The following CSMD1 variants were observed in gnomAD, a reference collection of about 807,000 sequenced individuals.
CSMD1 encodes the protein CUB and Sushi multiple domains 1.
CSMD1 carries 213 observed loss-of-function variants against 417.5 expected under a neutral mutation model. The observed-to-expected ratio is 0.51, with a 90% CI of 0.46 to 0.57. The LOEUF (loss-of-function observed/expected upper bound fraction) is 0.57. Among genes scored for constraint, CSMD1 ranks in the 20% least tolerant of loss-of-function variants. The pLI, the probability that CSMD1 is intolerant of heterozygous loss-of-function variation, is 0.00. For synonymous variants in CSMD1, 2,862 were observed against 1,736.8 expected (o/e 1.65, Z -16.11); for missense variants, 6,923 against 4,529.7 (o/e 1.53, Z -15.17).
intron 5 of CSMD1, among the ~76,000 whole-genome samples, chr8:3,956,786 G>A (rs941289016): frequency 2.0e-5 from 3 of 152,044 alleles, no homozygotes; most frequent in Non-Finnish European, 4.4e-5. Context: ...TGGAAGAATC[G>A]ATTTAGGAGC....
At chr8:4,302,751 C>A (rs913792263) in intron 3 of CSMD1, among the ~76,000 whole-genome samples, 1 of 152,164 alleles carries the variant, frequency 6.6e-6, no homozygotes, top group Non-Finnish European at 1.5e-5. Context: ...TAGTTTTTTA[C>A]TGACCCCAAC....
intron 3 of CSMD1, among the ~76,000 whole-genome samples, chr8:4,081,318 C>A (rs908484382): frequency 1.3e-5 from 2 of 152,138 alleles, no homozygotes; most frequent in Non-Finnish European, 2.9e-5. Context: ...TCCCCTCCCA[C>A]GTTGAATAGG....
intron 3 of CSMD1, among the ~76,000 whole-genome samples, chr8:4,305,967 T>C (rs889863038): frequency 1.3e-5 from 2 of 152,208 alleles, no homozygotes; most frequent in Non-Finnish European, 2.9e-5. Context: ...TTCATACTGA[T>C]ACATAGTGTG....
At chr8:3,760,840 G>A (rs1006876456) in intron 5 of CSMD1, among the ~76,000 whole-genome samples, 1 of 152,150 alleles carries the variant, frequency 6.6e-6, no homozygotes, top group African/African-American at 2.4e-5. Flanking sequence ...TACTGCTATT[G>A]GGAGAGGCTT....
chr8:4,174,842 G>C (rs2680616), intron 3 of CSMD1, among the ~76,000 whole-genome samples: 114,921 of 116,798 alleles, frequency 0.98, 56,594 homozygotes, highest in Middle Eastern at 1. Context: ...TTACACCTTC[G>C]CCTCAAAATT....
At position 3,932,034 on chromosome 8, in the gene CSMD1, G is replaced by A. The variant is rs759250639; in HGVS notation, c.818+65869C>T. Among the ~76,000 whole-genome samples the A allele has an allele frequency of 1.0e-3, 150 of 150,314 alleles. 10 individuals carry two copies. Among genetic ancestry groups the A allele is most frequent in the Non-Finnish European group, 2.0e-3 (137 of 67,490 alleles). ...AGAAAACAATAATTTTGTGACTTCA[G>A]TTCTAATTTCATCAGAGAGTAGGAT... On this transcript the variant is annotated intron_variant, in intron 5 of 69. Transcript: ENST00000635120.
chr8:3,358,193 G>A (rs1808923316), intron 21 of CSMD1, among the ~76,000 whole-genome samples: 1 of 152,174 alleles, frequency 6.6e-6, no homozygotes, highest in South Asian at 2.1e-4. Context: ...TTCGTTAACT[G>A]GTGAAATTAG....
chr8:4,632,710 T>C (rs1267215442), intron 2 of CSMD1, among the ~76,000 whole-genome samples: 2 of 152,078 alleles, frequency 1.3e-5, no homozygotes, highest in African/African-American at 4.8e-5. Flanking sequence ...CCAATTGCAG[T>C]AGGTGGCCAG....
chr8:4,797,803 T>G (rs1376569319), intron 1 of CSMD1, among the ~76,000 whole-genome samples: 1 of 152,192 alleles, frequency 6.6e-6, no homozygotes, highest in African/African-American at 2.4e-5. Context: ...TTAAAAATAC[T>G]TGTGCTCATG....
intron 6 of CSMD1, among the ~76,000 whole-genome samples, chr8:3,729,401 T>A (rs998726928): frequency 6.6e-6 from 1 of 152,160 alleles, no homozygotes; most frequent in African/African-American, 2.4e-5. Flanking sequence ...AGTCAGTTCT[T>A]AGGCACAACT....
chr8:4,041,368 G>C (rs147173062), intron 3 of CSMD1, among the ~76,000 whole-genome samples: 2 of 152,016 alleles, frequency 1.3e-5, no homozygotes, highest in Non-Finnish European at 2.9e-5. Context: ...ATAAATTTTC[G>C]CAAAACTATG....
At chr8:3,050,826 C>G (rs932896347) in intron 50 of CSMD1, among the ~76,000 whole-genome samples, 3 of 152,136 alleles carry the variant, frequency 2.0e-5, no homozygotes, top group Admixed American at 6.5e-5. Context: ...AAATTTTTAA[C>G]ATGACCAAAA....
Position 4,146,334 on chromosome 8 carries a change from T to C in CSMD1, c.416-114235A>G, listed in dbSNP as rs948508730. Among the ~76,000 whole-genome samples the C allele has an allele frequency of 2.7e-5, 4 of 150,702 alleles. No individual in the cohort carries two copies. In the South Asian group the frequency reaches 8.3e-4, roughly 31 times the overall value. On this transcript the variant is annotated intron_variant, in intron 3 of 69. Transcript: ENST00000635120. ...TGGTGTCTGACACATCCAAAGCAGG[T>C]GGATTCATTCTGATAAGCTTCAGCC...
chr8:4,014,217 C>A lies in CSMD1; in HGVS notation c.611-16107G>T, dbSNP rs74529218. Reference sequence around the variant, plus strand: ...AAGCATAAACAACATTCCTAGAAATCTTTCCTTAGGAAAAAAATCTAACAG... The same window carrying A: ...AAGCATAAACAACATTCCTAGAAATATTTCCTTAGGAAAAAAATCTAACAG... On this transcript the variant is annotated intron_variant, in intron 4 of 69. Transcript: ENST00000635120. Among the ~76,000 whole-genome samples the A allele has an allele frequency of 6.2e-3, 951 of 152,264 alleles. 20 individuals are homozygous for A. The highest frequency in any genetic ancestry group is 0.056 in the East Asian group (290 of 5,184).
At chr8:4,586,329 T>G (rs566990946) in intron 2 of CSMD1, among the ~76,000 whole-genome samples, 1 of 152,238 alleles carries the variant, frequency 6.6e-6, no homozygotes, top group Non-Finnish European at 1.5e-5. Context: ...TGGCAGTGAC[T>G]AATTGCTTGT....
chr8:4,761,049 AG>A (rs1812008330), intron 1 of CSMD1, among the ~76,000 whole-genome samples: 1 of 152,166 alleles, frequency 6.6e-6, no homozygotes, highest in Non-Finnish European at 1.5e-5. Flanking sequence ...TGTATCTCGG[AG>A]CCCAGAGTGA....
chr8:3,539,474 C>G (rs1392654533), intron 10 of CSMD1, among the ~76,000 whole-genome samples: 1 of 152,168 alleles, frequency 6.6e-6, no homozygotes. Context: ...ATCTGCATCT[C>G]CAGAGCCTAA....
At chr8:4,333,899 T>G (rs578254146) in intron 3 of CSMD1, among the ~76,000 whole-genome samples, 1 of 152,108 alleles carries the variant, frequency 6.6e-6, no homozygotes, top group Non-Finnish European at 1.5e-5. Context: ...TATTTCTTTT[T>G]GTTTTGTTTT....
intron 10 of CSMD1, among the ~76,000 whole-genome samples, chr8:3,499,475 G>C (rs745915150): frequency 1.3e-5 from 2 of 152,096 alleles, no homozygotes; most frequent in Non-Finnish European, 2.9e-5. Context: ...GCATGTGTGA[G>C]CATTCAGCAA....
Sources: allele counts gnomAD v4.1 joint callset (sites outside exome capture counted in the v4.1 genomes callset), GRCh38; gene constraint gnomAD v4.1.1; transcripts MANE v1.5; gene names NCBI Gene and HGNC (gene_info 2026-07-23, HGNC 2026-07-21).